SPICE1: variants seen among roughly 807,000 people sequenced by gnomAD.
The protein encoded by SPICE1 is spindle and centriole associated protein 1, also known as spindle and centriole-associated protein 1.
Under a neutral mutation model 102.7 loss-of-function variants are expected in SPICE1, and 75 were observed. The ratio of observed to expected loss-of-function variants is 0.73; its 90% confidence interval spans 0.61 to 0.88. The LOEUF is 0.88. Among genes scored for constraint, SPICE1 ranks in the 40% least tolerant of loss-of-function variants. The probability of loss-of-function intolerance (pLI) is 0.00; values close to 1 mark genes in which losing one functional copy is unlikely to be tolerated. For missense variants in SPICE1, 979 were observed against 1,020.1 expected (o/e 0.96, Z 0.55); for synonymous variants, 308 against 350.3 (o/e 0.88, Z 1.35).
intron 12 of SPICE1, chr3:113,459,475 T>C: frequency 1.0e-6 from 1 of 979,004 alleles, no homozygotes; most frequent in Non-Finnish European, 1.2e-6. Context: ...ACAATAATTC[T>C]ACAATATATT....
intron 13 of SPICE1, among the ~76,000 whole-genome samples, chr3:113,455,401 C>A (rs544625252): frequency 4.6e-5 from 7 of 152,236 alleles, no homozygotes; most frequent in Admixed American, 3.9e-4. Flanking sequence ...AATATGGCAG[C>A]CTCTAGCTAT....
chr3:113,469,534 A>G (rs1936148075), intron 7 of SPICE1, among the ~76,000 whole-genome samples: 1 of 147,342 alleles, frequency 6.8e-6, no homozygotes, highest in Non-Finnish European at 1.5e-5. Flanking sequence ...TATAAATTAA[A>G]TTATATTTAT....
chr3:113,453,812 A>T lies in SPICE1; in HGVS notation c.1796T>A (p.Leu599His). The T allele has an allele frequency of 5.6e-6, 9 of 1,614,176 alleles. No homozygotes were observed. Among genetic ancestry groups the T allele is most frequent in the Non-Finnish European group, 7.6e-6 (9 of 1,180,024 alleles). The part of the protein sequence containing the change: ...DIQNSSEENR[L>H]FTQRWRVSHM... ...AGAGACTCTCCATCTCTGAGTGAAG[A>T]GACGATTCTCTTCACTTGAATTCTG... is the stretch of plus-strand genomic sequence containing the variant. The change falls in exon 14 of 18, where the codon CTC becomes CAC. Residue 599 changes from leucine (L) to histidine (H), a missense_variant. Physicochemically the swap from Leu to His is moderately conservative, Grantham distance 99. Coordinates refer to ENST00000295872, the MANE Select transcript of SPICE1 (RefSeq NM_144718.4).
chr3:113,501,463 GA>G (rs1019955108), intron 3 of SPICE1, among the ~76,000 whole-genome samples: 2 of 151,914 alleles, frequency 1.3e-5, no homozygotes, highest in Admixed American at 6.6e-5. Context: ...ACACCATCAA[GA>G]AACTGAAAAA....
At chr3:113,499,322 TTGAA>T in intron 4 of SPICE1, 113 bp downstream of exon 4, 5 of 1,131,694 alleles carry the variant, frequency 4.4e-6, no homozygotes, top group Non-Finnish European at 4.8e-6. Context: ...ATGTAGATTA[TTGAA>T]TAAGAATGCA....
At chr3:113,504,070 A>G (rs147325303) in intron 2 of SPICE1, among the ~76,000 whole-genome samples, 1 of 152,194 alleles carries the variant, frequency 6.6e-6, no homozygotes, top group African/African-American at 2.4e-5. Flanking sequence ...AAATGTAAAA[A>G]CAGTCAGTTA....
chr3:113,459,525 T>G, intron 12 of SPICE1: 1 of 984,970 alleles, frequency 1.0e-6, no homozygotes. Context: ...ATTAAAAGCT[T>G]TCTCAGTAGT....
chr3:113,480,082 T>C (rs1936456054), intron 7 of SPICE1, among the ~76,000 whole-genome samples: 1 of 152,034 alleles, frequency 6.6e-6, no homozygotes. Flanking sequence ...AGTATAGAGA[T>C]TATTGGCACA....
At chr3:113,462,221 C>T (rs1210880384) in intron 11 of SPICE1, among the ~76,000 whole-genome samples, 1 of 152,212 alleles carries the variant, frequency 6.6e-6, no homozygotes, top group Non-Finnish European at 1.5e-5. Flanking sequence ...ATTCCAATAA[C>T]TCCTCATGTA....
chr3:113,464,549 C>T (rs938720898), intron 11 of SPICE1, among the ~76,000 whole-genome samples: 4 of 152,084 alleles, frequency 2.6e-5, no homozygotes, highest in African/African-American at 9.7e-5. Flanking sequence ...GCCACTGCGC[C>T]TCGCCCTATA....
intron 7 of SPICE1, among the ~76,000 whole-genome samples, chr3:113,474,723 A>T (rs1253192625): frequency 1.3e-5 from 2 of 152,210 alleles, no homozygotes; most frequent in African/African-American, 4.8e-5. Flanking sequence ...AGAAATAAAG[A>T]TGTTCTTTGA....
chr3:113,489,212 A>G, intron 6 of SPICE1, 149 bp from the exon 7 acceptor site: 1 of 598,976 alleles, frequency 1.7e-6, no homozygotes, highest in Non-Finnish European at 3.0e-6. Flanking sequence ...TCCTTCCACT[A>G]CTATCAATTA....
intron 7 of SPICE1, among the ~76,000 whole-genome samples, chr3:113,474,072 A>C (rs1384483145): frequency 6.6e-6 from 1 of 151,982 alleles, no homozygotes; most frequent in Non-Finnish European, 1.5e-5. Flanking sequence ...CATAGGCTCA[A>C]AATAAAAGGA....
chr3:113,456,514 C>A (rs898131430), intron 13 of SPICE1, among the ~76,000 whole-genome samples: 1 of 152,040 alleles, frequency 6.6e-6, no homozygotes, highest in African/African-American at 2.4e-5. Flanking sequence ...TGAGGTAGTC[C>A]ATGGAACTTC....
chr3:113,457,177 G>A lies in SPICE1; in HGVS notation c.1616C>T (p.Pro539Leu). 1 of 1,614,138 alleles carries A rather than the reference G, an allele frequency of 6.2e-7. No individual in the cohort carries two copies. Among genetic ancestry groups the A allele is most frequent in the Admixed American group, 1.7e-5 (1 of 60,016 alleles). The part of the protein sequence containing the change: ...IFEPAVLLTP[P>L]RQKSNLKFSP... ...GAATTTTAAGTTGCTCTTCTGCCTG[G>A]GTGGTGTTAACAACACAGCTGGCTC... The change falls in exon 13 of 18, where the codon CCC becomes CTC. Residue 539 changes from proline to leucine, a missense_variant. Physicochemically the swap from Pro to Leu is moderately conservative, Grantham distance 98. Coordinates refer to ENST00000295872, the MANE Select transcript of SPICE1 (RefSeq NM_144718.4).
Position 113,499,533 on chromosome 3 carries a change from C to T in SPICE1, c.197G>A (p.Trp66Ter). The change falls in exon 4 of 18, where the codon TGG (tryptophan) becomes TAG (stop). Residue 66 changes from tryptophan (W) to a stop codon, truncating the protein, a stop_gained. Coordinates refer to ENST00000295872, the MANE Select transcript of SPICE1 (RefSeq NM_144718.4). LOFTEE classifies it high-confidence loss of function. ...HKSKNRALVH[W>*]ELQEKALKRK... ...CTTCAAAGCTTTTTCTTGGAGTTCCCAGTGTACTAATGCTCTATTCTTCGA... is the reference window on the plus strand; with the variant it reads ...CTTCAAAGCTTTTTCTTGGAGTTCCTAGTGTACTAATGCTCTATTCTTCGA... 4 of 1,613,146 alleles carry T rather than the reference C, an allele frequency of 2.5e-6. No individual in the cohort carries two copies. Among genetic ancestry groups the T allele is most frequent in the Non-Finnish European group, 3.4e-6 (4 of 1,179,726 alleles).
intron 7 of SPICE1, among the ~76,000 whole-genome samples, chr3:113,478,281 C>G (rs1438044191): frequency 6.6e-6 from 1 of 152,046 alleles, no homozygotes; most frequent in Non-Finnish European, 1.5e-5. Flanking sequence ...CAAGGCAAGA[C>G]TGAACTCTGC....
chr3:113,499,548 C>T lies in SPICE1; in HGVS notation c.182G>A (p.Arg61Lys). 1.2e-6 allele frequency: 2 copies of T among 1,611,794 alleles called. No homozygotes were observed. The highest frequency in any genetic ancestry group is 1.7e-6 in the Non-Finnish European group (2 of 1,179,298). ...RRHEIHKSKN[R>K]ALVHWELQEK... ...TTGGAGTTCCCAGTGTACTAATGCT[C>T]TATTCTTCGATTTGTGTATTTCATG... Residue 61 changes from arginine to lysine, a missense_variant, in exon 4 of 18, where the codon AGA becomes AAA. By Grantham distance (26) the Arg-to-Lys change is conservative (BLOSUM62 2). Coordinates refer to ENST00000295872, the MANE Select transcript of SPICE1 (RefSeq NM_144718.4).
chr3:113,493,141 A>C, intron 6 of SPICE1, 65 bp downstream of exon 6: 7 of 1,125,774 alleles, frequency 6.2e-6, no homozygotes, highest in Non-Finnish European at 7.6e-6. Context: ...TATTTACCAC[A>C]AGGCCTATAT....
Sources: gnomAD v4.1 joint callset for allele counts (sites outside exome capture counted in the v4.1 genomes callset) on GRCh38, gnomAD v4.1.1 for gene constraint, MANE v1.5 for transcripts, NCBI Gene and HGNC (gene_info 2026-07-23, HGNC 2026-07-21) for gene names.